ENTREP2: variants seen among roughly 807,000 people sequenced by gnomAD.
ENTREP2 encodes the protein protein ENTREP2.
At chr15:29,195,068 T>G in the ENTREP2 span, 32 of 960,118 alleles carry the variant, frequency 3.3e-5, no homozygotes, top group Non-Finnish European at 3.7e-5. Context: ...CAGGATGCAG[T>G]GAGGTAGAAT....
chr15:29,463,466 C>T, the ENTREP2 span, among the ~76,000 whole-genome samples: 1 of 152,032 alleles, frequency 6.6e-6, no homozygotes, highest in African/African-American at 2.4e-5. Context: ...ATCATTGAGC[C>T]GTAGATTTAC....
chr15:29,424,308 C>A, the ENTREP2 span, among the ~76,000 whole-genome samples: 1 of 152,264 alleles, frequency 6.6e-6, no homozygotes, highest in South Asian at 2.1e-4. Context: ...CCGCCCACAT[C>A]CTGCTGATTG....
chr15:29,544,913 G>A, the ENTREP2 span, among the ~76,000 whole-genome samples: 2 of 152,194 alleles, frequency 1.3e-5, no homozygotes, highest in African/African-American at 2.4e-5. Flanking sequence ...GGTTCCTAGT[G>A]ACACGTATCT....
the ENTREP2 span, among the ~76,000 whole-genome samples, chr15:29,367,516 T>G: frequency 6.6e-6 from 1 of 152,142 alleles, no homozygotes. Flanking sequence ...TATATTAATC[T>G]AAACACTTAA....
the ENTREP2 span, among the ~76,000 whole-genome samples, chr15:29,411,556 G>T: frequency 1.8e-4 from 27 of 152,254 alleles, 1 homozygote; most frequent in Middle Eastern, 3.4e-3. Flanking sequence ...CTATTGATTT[G>T]TGGGAGTTCA....
At chr15:29,651,107 G>A in the ENTREP2 span, among the ~76,000 whole-genome samples, 2 of 152,210 alleles carry the variant, frequency 1.3e-5, no homozygotes. Context: ...CATCAGGTCA[G>A]CCTGTTCTGG....
the ENTREP2 span, among the ~76,000 whole-genome samples, chr15:29,616,303 T>C: frequency 8.5e-5 from 13 of 152,128 alleles, no homozygotes; most frequent in Non-Finnish European, 1.5e-4. Context: ...TTTACCAGGA[T>C]GTGGCAGAGT....
the ENTREP2 span, chr15:29,381,621 G>A: frequency 1.5e-6 from 1 of 649,168 alleles, no homozygotes. Flanking sequence ...CTTCTCACAA[G>A]CCCATCAGCA....
the ENTREP2 span, among the ~76,000 whole-genome samples, chr15:29,672,026 G>T: frequency 1.3e-5 from 2 of 152,174 alleles, no homozygotes; most frequent in Admixed American, 1.3e-4. Flanking sequence ...TCACTCTGTC[G>T]CCCAGGCTGG....
At chr15:29,521,777 T>C in the ENTREP2 span, among the ~76,000 whole-genome samples, 173 of 152,282 alleles carry the variant, frequency 1.1e-3, no homozygotes, top group African/African-American at 3.7e-3. Context: ...CCTTGGGGAA[T>C]TGACACTAGT....
chr15:29,657,481 G>C, the ENTREP2 span, among the ~76,000 whole-genome samples: 1 of 113,782 alleles, frequency 8.8e-6, no homozygotes, highest in Non-Finnish European at 1.9e-5. Context: ...CGGCTGGGGG[G>C]GCGGGGGGGG....
the ENTREP2 span, among the ~76,000 whole-genome samples, chr15:29,472,416 CACACAACACACA>C: frequency 1.4e-5 from 2 of 141,590 alleles, no homozygotes; most frequent in Non-Finnish European, 1.5e-5. Context: ...TTTATACACA[CACACAACACACA>C]ACACACACAC....
At chr15:29,136,221 G>C in the ENTREP2 span, 1 of 799,874 alleles carries the variant, frequency 1.3e-6, no homozygotes, top group Non-Finnish European at 1.8e-6. Flanking sequence ...ATGCATCCGG[G>C]GGCCTCGGCA....
At chr15:29,188,076 T>C in the ENTREP2 span, among the ~76,000 whole-genome samples, 1 of 152,136 alleles carries the variant, frequency 6.6e-6, no homozygotes, top group African/African-American at 2.4e-5. Flanking sequence ...TGGCTGAAGC[T>C]GGACAGCACT....
At chr15:29,445,782 C>T in the ENTREP2 span, among the ~76,000 whole-genome samples, 3 of 152,190 alleles carry the variant, frequency 2.0e-5, no homozygotes, top group African/African-American at 7.2e-5. Flanking sequence ...AATTTATAGA[C>T]CATCAGTCAG....
At chr15:29,265,906 A>G in the ENTREP2 span, 1 of 152,254 alleles carries the variant, frequency 6.6e-6, no homozygotes, top group Admixed American at 6.5e-5. Context: ...CACTTAGGGA[A>G]AAAAGGCAGA....
the ENTREP2 span, among the ~76,000 whole-genome samples, chr15:29,401,548 A>G: frequency 6.6e-6 from 1 of 152,328 alleles, no homozygotes; most frequent in South Asian, 2.1e-4. Flanking sequence ...CCTCTTAAAC[A>G]TTTCTTATGT....
the ENTREP2 span, among the ~76,000 whole-genome samples, chr15:29,417,860 T>G: frequency 6.6e-6 from 1 of 152,142 alleles, no homozygotes; most frequent in South Asian, 2.1e-4. Flanking sequence ...CTTCTTTAAT[T>G]GCATTTTCTG....
chr15:29,290,296 A>G, the ENTREP2 span, among the ~76,000 whole-genome samples: 6 of 152,204 alleles, frequency 3.9e-5, no homozygotes, highest in Admixed American at 3.3e-4. Flanking sequence ...CTTCCACCTC[A>G]GGGCTCTGCA....
Sources: allele counts gnomAD v4.1 joint callset (sites outside exome capture counted in the v4.1 genomes callset), GRCh38; gene constraint gnomAD v4.1.1; transcripts MANE v1.5; gene names NCBI Gene and HGNC (gene_info 2026-07-23, HGNC 2026-07-21).